The following GNAQ variants were observed in gnomAD, a reference collection of about 807,000 sequenced individuals.
GNAQ encodes the protein guanine nucleotide-binding protein G(q) subunit alpha.
A neutral mutation model predicts 43.9 loss-of-function variants in GNAQ; 8 were observed. That is an observed-to-expected ratio of 0.18 (90% confidence interval 0.11 to 0.33). GNAQ has a LOEUF of 0.33. GNAQ is among the 10% of genes least tolerant of loss of function. The pLI, the probability that GNAQ is intolerant of heterozygous loss-of-function variation, is 1.00. For synonymous variants in GNAQ, 155 were observed against 170.7 expected, an observed-to-expected ratio of 0.91 and a Z score of 0.71; for missense variants, 158 against 450.8, an observed-to-expected ratio of 0.35 and a Z score of 5.88.
chr9:77,904,628 G>A (rs113704551), intron 2 of GNAQ, among the ~76,000 whole-genome samples: 3,299 of 151,968 alleles, frequency 0.022, 133 homozygotes, highest in African/African-American at 0.076. Flanking sequence ...CACCGTGCCC[G>A]GCCCTGTTTA....
At chr9:77,800,020 G>A (rs1354141140) in intron 3 of GNAQ, among the ~76,000 whole-genome samples, 2 of 152,212 alleles carry the variant, frequency 1.3e-5, no homozygotes, top group Non-Finnish European at 2.9e-5. Context: ...TCTGATAAGA[G>A]TTAGACGAGC....
intron 2 of GNAQ, among the ~76,000 whole-genome samples, chr9:77,897,298 G>A (rs759313676): frequency 6.6e-6 from 1 of 152,202 alleles, no homozygotes; most frequent in Non-Finnish European, 1.5e-5. Flanking sequence ...TGAATGTTTT[G>A]TAATAATAAT....
intron 1 of GNAQ, among the ~76,000 whole-genome samples, chr9:78,011,398 A>G (rs1823770934): frequency 6.6e-6 from 1 of 152,222 alleles, no homozygotes; most frequent in Non-Finnish European, 1.5e-5. Context: ...GAACATTCCT[A>G]AGCACAAATG....
At chr9:77,857,638 G>A (rs373553413) in intron 2 of GNAQ, among the ~76,000 whole-genome samples, 3 of 141,534 alleles carry the variant, frequency 2.1e-5, no homozygotes, top group Non-Finnish European at 4.6e-5. Flanking sequence ...AAGGAAGGAC[G>A]GAAAGGGGGG....
chr9:77,978,289 A>G (rs982111394), intron 1 of GNAQ, among the ~76,000 whole-genome samples: 4 of 152,064 alleles, frequency 2.6e-5, no homozygotes, highest in Middle Eastern at 3.4e-3. Flanking sequence ...CTTCACCTCT[A>G]TTTTGTCTCT....
intron 2 of GNAQ, among the ~76,000 whole-genome samples, chr9:77,916,610 C>T (rs1564150955): frequency 6.6e-6 from 1 of 152,188 alleles, no homozygotes; most frequent in Non-Finnish European, 1.5e-5. Flanking sequence ...TGTAGCAATA[C>T]ATCCTCTCAT....
At chr9:77,759,920 CCTTTTT>C (rs1237774104) in intron 5 of GNAQ, among the ~76,000 whole-genome samples, 13 of 144,796 alleles carry the variant, frequency 9.0e-5, no homozygotes, top group African/African-American at 1.3e-4. Context: ...TTTTTCTTTT[CCTTTTT>C]CTTTTTCTTT....
intron 2 of GNAQ, among the ~76,000 whole-genome samples, chr9:77,912,408 G>A (rs1828822882): frequency 6.6e-6 from 1 of 152,106 alleles, no homozygotes; most frequent in South Asian, 2.1e-4. Context: ...CACCTGAAAT[G>A]GATTTTAGAT....
At chr9:77,784,622 G>A (rs1826448579) in intron 5 of GNAQ, among the ~76,000 whole-genome samples, 1 of 152,100 alleles carries the variant, frequency 6.6e-6, no homozygotes, top group African/African-American at 2.4e-5. Context: ...ATTCCTTAAG[G>A]AGGACATGAT....
In GNAQ at chr9:77,717,764, TCAGATTCCTTTTGTAGTTGTCATCTG is replaced by T; in HGVS notation, c.*3533_*3558del. The stretch of plus-strand genomic sequence containing the variant: ...AAAAAATACAAGTTTTACGTGTTCT[TCAGATTCCTTTTGTAGTTGTCATCTG>T]CTAGTAAACAACATATGCAGGTTCT... On this transcript the variant is annotated 3_prime_UTR_variant, in exon 7 of 7. Transcript: ENST00000286548. 4.3e-6 allele frequency: 1 copy of T among 232,634 alleles called. No homozygotes were observed. Among genetic ancestry groups the T allele is most frequent in the Admixed American group, 5.6e-5 (1 of 17,784 alleles). 14.4% of individuals were successfully genotyped at this position (232,634 alleles called of 1,614,324 possible).
At chr9:77,904,893 C>A (rs1190478799) in intron 2 of GNAQ, among the ~76,000 whole-genome samples, 1 of 152,114 alleles carries the variant, frequency 6.6e-6, no homozygotes, top group Non-Finnish European at 1.5e-5. Flanking sequence ...GAAACACACA[C>A]ACACAGAGGA....
At chr9:77,955,865 A>C (rs1381824516) in intron 1 of GNAQ, among the ~76,000 whole-genome samples, 1 of 152,186 alleles carries the variant, frequency 6.6e-6, no homozygotes, top group Non-Finnish European at 1.5e-5. Context: ...AATCATTATC[A>C]CATAAAGCTG....
intron 5 of GNAQ, among the ~76,000 whole-genome samples, chr9:77,736,204 T>A (rs1825574845): frequency 1.3e-5 from 2 of 152,204 alleles, no homozygotes. Flanking sequence ...GAATGTTTCT[T>A]CCTAAGATTC....
At chr9:77,916,905 T>C (rs969949729) in intron 2 of GNAQ, among the ~76,000 whole-genome samples, 6 of 152,170 alleles carry the variant, frequency 3.9e-5, no homozygotes, top group Non-Finnish European at 8.8e-5. Context: ...AAGAGAGCAA[T>C]GGCCTATCAA....
intron 5 of GNAQ, among the ~76,000 whole-genome samples, chr9:77,788,346 A>G (rs750047007): frequency 6.6e-6 from 1 of 152,212 alleles, no homozygotes. Flanking sequence ...AAACAGAGTC[A>G]TGTGTAGCAA....
chr9:77,888,387 C>T, intron 2 of GNAQ, among the ~76,000 whole-genome samples: 1 of 151,998 alleles, frequency 6.6e-6, no homozygotes. Context: ...AATTCTTGAC[C>T]TTCAAAATTA....
chr9:77,971,617 A>G (rs1365504417), intron 1 of GNAQ, among the ~76,000 whole-genome samples: 2 of 152,256 alleles, frequency 1.3e-5, no homozygotes, highest in Non-Finnish European at 2.9e-5. Context: ...CTAGGTATCA[A>G]TGGAACGTAT....
intron 2 of GNAQ, among the ~76,000 whole-genome samples, chr9:77,882,227 C>A (rs186246703): frequency 6.6e-5 from 10 of 152,262 alleles, no homozygotes; most frequent in Admixed American, 1.3e-4. Context: ...AACCAGAAGA[C>A]CCTGCTGATA....
At chr9:77,761,972 A>G (rs1587904229) in intron 5 of GNAQ, among the ~76,000 whole-genome samples, 1 of 131,272 alleles carries the variant, frequency 7.6e-6, no homozygotes, top group African/African-American at 2.9e-5. Flanking sequence ...CCGCCCGGCC[A>G]GCCGCCCCGT....
Sources: gnomAD v4.1 joint callset for allele counts (sites outside exome capture counted in the v4.1 genomes callset) on GRCh38, gnomAD v4.1.1 for gene constraint, MANE v1.5 for transcripts, NCBI Gene and HGNC (gene_info 2026-07-23, HGNC 2026-07-21) for gene names.